Variants in EIF3E observed in about 807,000 individuals in gnomAD.
EIF3E encodes eIF-3 p48.
A neutral mutation model predicts 59.3 loss-of-function variants in EIF3E; 25 were observed. The ratio of observed to expected loss-of-function variants is 0.42; its 90% CI spans 0.31 to 0.59. The LOEUF (loss-of-function observed/expected upper bound fraction) is 0.59. EIF3E is among the 20% of genes least tolerant of loss of function. The pLI is 0.15. For missense variants in EIF3E, 317 were observed against 534.3 expected, an observed-to-expected ratio of 0.59 and a Z score of 4.01; for synonymous variants, 176 against 170.2, an observed-to-expected ratio of 1.03 and a Z score of -0.26.
At chr8:108,216,934 G>C (rs1563629997) in intron 8 of EIF3E, among the ~76,000 whole-genome samples, 1 of 152,020 alleles carries the variant, frequency 6.6e-6, no homozygotes, top group Non-Finnish European at 1.5e-5. Context: ...ATATCAATCA[G>C]CATGGCTGCC....
chr8:108,203,902 A>G (rs767274505), intron 10 of EIF3E, among the ~76,000 whole-genome samples: 23 of 152,234 alleles, frequency 1.5e-4, no homozygotes, highest in Non-Finnish European at 1.5e-4. Context: ...AGATTCAACA[A>G]ACCATAGATA....
At chr8:108,212,643 A>G (rs1181757723) in intron 10 of EIF3E, among the ~76,000 whole-genome samples, 2 of 152,290 alleles carry the variant, frequency 1.3e-5, no homozygotes, top group East Asian at 3.9e-4. Context: ...CTCTACTAAA[A>G]GCACAAAAAT....
chr8:108,215,662 T>C (rs1169940395), intron 9 of EIF3E, among the ~76,000 whole-genome samples: 3 of 152,106 alleles, frequency 2.0e-5, no homozygotes, highest in South Asian at 2.1e-4. Context: ...GATATTTGCA[T>C]GATCATTTTT....
intron 10 of EIF3E, among the ~76,000 whole-genome samples, chr8:108,211,982 A>G (rs924724496): frequency 1.3e-5 from 2 of 152,214 alleles, no homozygotes; most frequent in Non-Finnish European, 2.9e-5. Flanking sequence ...AAAAATATAA[A>G]TTGTTCACAA....
intron 5 of EIF3E, among the ~76,000 whole-genome samples, chr8:108,230,474 T>C (rs1049959840): frequency 1.3e-5 from 2 of 151,840 alleles, no homozygotes; most frequent in Admixed American, 1.3e-4. Flanking sequence ...TTTACATACG[T>C]AAATTTATAT....
chr8:108,232,198 T>A (rs972303217), intron 5 of EIF3E, among the ~76,000 whole-genome samples: 11 of 152,096 alleles, frequency 7.2e-5, no homozygotes, highest in African/African-American at 2.4e-4. Flanking sequence ...GAAAAAGATA[T>A]CTATTCTTTT....
At chr8:108,242,013 C>T in intron 1 of EIF3E, 100 bp from the exon 2 acceptor site, 1 of 1,230,626 alleles carries the variant, frequency 8.1e-7, no homozygotes, top group Non-Finnish European at 1.1e-6. Context: ...TCAAGAAATA[C>T]TTTATAAAAT....
intron 5 of EIF3E, among the ~76,000 whole-genome samples, chr8:108,232,183 CAAAAGA>C (rs770570045): frequency 3.3e-5 from 5 of 152,056 alleles, no homozygotes; most frequent in Non-Finnish European, 5.9e-5. Context: ...CTATCTAAAT[CAAAAGA>C]AAAAGATATC....
At position 108,242,431 on chromosome 8, in the gene EIF3E, C is replaced by G. The variant is rs146700724; in HGVS notation, c.91-518G>C. On this transcript the variant is annotated intron_variant, in intron 1 of 12. Transcript: ENST00000220849. ...AAAAAGCATAATTTAACCTATAGTA[C>G]AGGGAGCAAATAGATACATATACAC... The G allele has an allele frequency of 4.0e-3, 5,171 of 1,289,134 alleles. 19 individuals carry two copies. The highest frequency in any genetic ancestry group is 6.5e-3 in the Admixed American group (281 of 43,522). The allele number at this position is 1,289,134 out of a possible 1,614,324, so 79.9% of individuals were successfully genotyped here.
intron 1 of EIF3E, among the ~76,000 whole-genome samples, chr8:108,245,051 T>C (rs1302576671): frequency 6.6e-6 from 1 of 152,026 alleles, no homozygotes. Context: ...TAACCAATCC[T>C]TGTACTTTCC....
chr8:108,211,510 T>C (rs903207921), intron 10 of EIF3E, among the ~76,000 whole-genome samples: 4 of 152,292 alleles, frequency 2.6e-5, no homozygotes, highest in South Asian at 2.1e-4. Context: ...GTCAGATGGG[T>C]AGATGCTAAA....
intron 1 of EIF3E, among the ~76,000 whole-genome samples, chr8:108,245,205 G>A (rs1237658732): frequency 6.6e-6 from 1 of 151,604 alleles, no homozygotes; most frequent in Non-Finnish European, 1.5e-5. Context: ...GGTGGCTCAT[G>A]TCTGTAATCC....
At chr8:108,229,922 A>G (rs1466911991) in intron 5 of EIF3E, among the ~76,000 whole-genome samples, 1 of 152,180 alleles carries the variant, frequency 6.6e-6, no homozygotes, top group Non-Finnish European at 1.5e-5. Context: ...ACTAAGGGCC[A>G]TCCCTACCTC....
chr8:108,206,417 G>A (rs1281718828), intron 10 of EIF3E, among the ~76,000 whole-genome samples: 2 of 152,102 alleles, frequency 1.3e-5, no homozygotes, highest in African/African-American at 4.8e-5. Flanking sequence ...CTGGAGATTT[G>A]GGAACAGCTT....
At chr8:108,212,191 T>C (rs1815223195) in intron 10 of EIF3E, among the ~76,000 whole-genome samples, 1 of 152,162 alleles carries the variant, frequency 6.6e-6, no homozygotes, top group African/African-American at 2.4e-5. Flanking sequence ...AACAGAACTG[T>C]AAGATAGGCA....
At chr8:108,223,801 C>T (rs1317862874) in intron 7 of EIF3E, among the ~76,000 whole-genome samples, 1 of 146,912 alleles carries the variant, frequency 6.8e-6, no homozygotes, top group Non-Finnish European at 1.5e-5. Context: ...ATTTTAGATT[C>T]AGAATAAATT....
At chr8:108,244,006 T>A (rs1815895729) in intron 1 of EIF3E, among the ~76,000 whole-genome samples, 1 of 152,198 alleles carries the variant, frequency 6.6e-6, no homozygotes, top group Non-Finnish European at 1.5e-5. Context: ...TACATATGCC[T>A]CTCAATTCTG....
chr8:108,241,717 A>C, intron 2 of EIF3E, 82 bp downstream of exon 2: 1 of 771,182 alleles, frequency 1.3e-6, no homozygotes, highest in Middle Eastern at 4.2e-4. Flanking sequence ...CTTTTGGCTA[A>C]AGCTGTCTTA....
intron 5 of EIF3E, among the ~76,000 whole-genome samples, chr8:108,229,891 C>A (rs1815589678): frequency 6.6e-6 from 1 of 152,094 alleles, no homozygotes; most frequent in African/African-American, 2.4e-5. Flanking sequence ...ACACCACAGT[C>A]TTAACCTAAA....
Sources: gnomAD v4.1 joint callset for allele counts (sites outside exome capture counted in the v4.1 genomes callset) on GRCh38, gnomAD v4.1.1 for gene constraint, MANE v1.5 for transcripts, NCBI Gene and HGNC (gene_info 2026-07-23, HGNC 2026-07-21) for gene names.